Variants in PPP3CC observed in about 807,000 individuals in gnomAD.
PPP3CC encodes the protein serine/threonine-protein phosphatase 2B catalytic subunit gamma isoform.
A neutral mutation model predicts 60.3 loss-of-function variants in PPP3CC; 35 were observed. That is an observed-to-expected ratio of 0.58 (90% confidence interval 0.44 to 0.77). The LOEUF is 0.77. PPP3CC is among the 30% of genes least tolerant of loss of function. PPP3CC has a pLI of 0.00. For missense variants in PPP3CC, 570 were observed against 628.9 expected (o/e 0.91, Z 1.00); for synonymous variants, 206 against 224.3 (o/e 0.92, Z 0.73).
At chr8:22,485,431 C>T (rs1420631758) in intron 3 of PPP3CC, among the ~76,000 whole-genome samples, 1 of 152,140 alleles carries the variant, frequency 6.6e-6, no homozygotes, top group African/African-American at 2.4e-5. Context: ...ATCCCTCAGC[C>T]AGATCAGACG....
chr8:22,517,446 T>G (rs938579413), intron 6 of PPP3CC, among the ~76,000 whole-genome samples: 1 of 152,188 alleles, frequency 6.6e-6, no homozygotes, highest in African/African-American at 2.4e-5. Flanking sequence ...ATTAATTCTT[T>G]TTTTTAATGA....
intron 10 of PPP3CC, among the ~76,000 whole-genome samples, chr8:22,529,816 AG>A (rs1839654933): frequency 6.6e-6 from 1 of 152,020 alleles, no homozygotes; most frequent in Non-Finnish European, 1.5e-5. Flanking sequence ...TTGGTGTGTG[AG>A]GGATCTTTTT....
At chr8:22,512,852 G>A (rs1390789275) in intron 5 of PPP3CC, among the ~76,000 whole-genome samples, 5 of 152,070 alleles carry the variant, frequency 3.3e-5, no homozygotes, top group South Asian at 4.1e-4. Context: ...CGAGGAGGGC[G>A]GATCACCTGA....
intron 3 of PPP3CC, among the ~76,000 whole-genome samples, chr8:22,496,385 T>G (rs933975514): frequency 1.3e-5 from 2 of 151,750 alleles, no homozygotes; most frequent in African/African-American, 4.8e-5. Context: ...CATTTTTCCA[T>G]GTTAATTTTA....
At chr8:22,447,916 A>G (rs1361653906) in intron 1 of PPP3CC, among the ~76,000 whole-genome samples, 3 of 152,192 alleles carry the variant, frequency 2.0e-5, no homozygotes, top group African/African-American at 7.2e-5. Flanking sequence ...TGGACAAGAT[A>G]ATGTATTTCT....
intron 3 of PPP3CC, among the ~76,000 whole-genome samples, chr8:22,479,572 C>T (rs919526949): frequency 4.0e-5 from 6 of 151,626 alleles, no homozygotes; most frequent in African/African-American, 1.2e-4. Context: ...GGTGAAACCT[C>T]GTCTGTACTA....
intron 8 of PPP3CC, 103 bp from the exon 9 acceptor site, chr8:22,527,289 A>G: frequency 7.6e-7 from 1 of 1,322,080 alleles, no homozygotes; most frequent in Admixed American, 2.2e-5. Context: ...TTACAAATGG[A>G]AAGTTCTCGA....
chr8:22,509,263 G>T (rs909730378), intron 4 of PPP3CC, among the ~76,000 whole-genome samples: 2 of 152,116 alleles, frequency 1.3e-5, no homozygotes, highest in Non-Finnish European at 2.9e-5. Flanking sequence ...CCAGGACCAG[G>T]CTCTGATCCT....
At chr8:22,512,418 T>A (rs920543932) in intron 5 of PPP3CC, among the ~76,000 whole-genome samples, 2 of 152,232 alleles carry the variant, frequency 1.3e-5, no homozygotes. Context: ...TTTCTCTTGG[T>A]TTTTATGCTT....
intron 4 of PPP3CC, 125 bp from the exon 5 acceptor site, chr8:22,510,961 A>G: frequency 9.7e-7 from 1 of 1,036,066 alleles, no homozygotes; most frequent in South Asian, 1.6e-5. Flanking sequence ...TTACAAAGAT[A>G]ATTGTGCTTT....
intron 4 of PPP3CC, among the ~76,000 whole-genome samples, chr8:22,505,709 A>G (rs1838895827): frequency 6.6e-6 from 1 of 152,216 alleles, no homozygotes; most frequent in Non-Finnish European, 1.5e-5. Flanking sequence ...AGCCGCTATA[A>G]GGAAATGAAG....
intron 5 of PPP3CC, among the ~76,000 whole-genome samples, chr8:22,512,932 C>G (rs1029062925): frequency 6.6e-6 from 1 of 151,974 alleles, no homozygotes; most frequent in East Asian, 1.9e-4. Flanking sequence ...CAAAATTAGC[C>G]GGGTGTGGTG....
intron 3 of PPP3CC, among the ~76,000 whole-genome samples, chr8:22,495,094 C>T (rs1051238617): frequency 7.9e-5 from 12 of 152,078 alleles, no homozygotes; most frequent in Non-Finnish European, 1.3e-4. Flanking sequence ...ACTACAGGCA[C>T]GTGACCACCA....
At chr8:22,506,331 T>C (rs1262831471) in intron 4 of PPP3CC, among the ~76,000 whole-genome samples, 2 of 152,094 alleles carry the variant, frequency 1.3e-5, no homozygotes, top group Non-Finnish European at 2.9e-5. Flanking sequence ...GTTTTTCAAG[T>C]GCCTTTAACT....
chr8:22,475,575 G>A lies in PPP3CC; in HGVS notation c.323G>A (p.Arg108His), dbSNP rs1265047172. The change falls in exon 3 of 14, where the codon CGC becomes CAC. Residue 108 changes from arginine to histidine, a missense_variant. By Grantham distance (29) the Arg-to-His change is conservative (BLOSUM62 0). Coordinates refer to ENST00000240139, the MANE Select transcript of PPP3CC (RefSeq NM_005605.5). ...GTTGGAGGATCACCTAGTAACACAC[G>A]CTACCTCTTTCTGGGTGACTATGTG... is the stretch of plus-strand genomic sequence containing the variant. ...FEVGGSPSNT[R>H]YLFLGDYVDR... 1.2e-5 allele frequency: 19 copies of A among 1,612,872 alleles called. 1 individual carries two copies. The highest frequency in any genetic ancestry group is 1.4e-5 in the Non-Finnish European group (17 of 1,179,178).
chr8:22,476,966 CA>C (rs1261927026), intron 3 of PPP3CC, among the ~76,000 whole-genome samples: 4 of 151,624 alleles, frequency 2.6e-5, no homozygotes, highest in Non-Finnish European at 5.9e-5. Flanking sequence ...TGTTAGTTGC[CA>C]GTGCACAAAA....
chr8:22,458,110 C>CA lies in PPP3CC; in HGVS notation c.49+16660dup, dbSNP rs201832368. 3.5e-4 allele frequency among the ~76,000 whole-genome samples: 53 copies of CA among 151,348 alleles called. No individual in the cohort carries two copies. The South Asian group carries it at 4.6e-3, about 13-fold the overall frequency. On this transcript the variant is annotated intron_variant, in intron 1 of 13. Coordinates refer to ENST00000240139, the MANE Select transcript of PPP3CC (RefSeq NM_005605.5). ...CCGTCGCACCAAAAAACAAAAAAAA[C>CA]AAAAAAAACACACAAAAACAACTTG...
rs1463102037 is a variant in PPP3CC at position 22,482,835 on chromosome 8, A to G, written c.372+7211A>G. Among the ~76,000 whole-genome samples, 3 of 152,202 alleles carry G rather than the reference A, an allele frequency of 2.0e-5. No homozygotes were observed. The East Asian group carries it at 5.8e-4, about 29-fold the overall frequency. On this transcript the variant is annotated intron_variant, in intron 3 of 13. Coordinates refer to ENST00000240139, the MANE Select transcript of PPP3CC (RefSeq NM_005605.5). ...TTCAGCTACGTCAAGAAAAGCCAAGATACAGTAGAGGAAAACATAGCTTTT... is the reference window on the plus strand; with the variant it reads ...TTCAGCTACGTCAAGAAAAGCCAAGGTACAGTAGAGGAAAACATAGCTTTT...
Position 22,475,224 on chromosome 8 carries a change from AT to A in PPP3CC, c.247+74del, listed in dbSNP as rs1275416490. Reference sequence around the variant, plus strand: ...GAGCAGTTTTGAGAAATAATTACAAATAACCAGCTAAAAAGTGGTGTGGTAA... The same window carrying A: ...GAGCAGTTTTGAGAAATAATTACAAAAACCAGCTAAAAAGTGGTGTGGTAA... On this transcript the variant is annotated intron_variant, in intron 2 of 13. Transcript: ENST00000240139. The A allele has an allele frequency of 4.3e-6, 6 of 1,382,954 alleles. No individual in the cohort carries two copies. The East Asian group carries it at 1.4e-4, about 33-fold the overall frequency. 85.7% of individuals were successfully genotyped at this position (1,382,954 alleles called of 1,614,324 possible).
Sources: gnomAD v4.1 joint callset for allele counts (sites outside exome capture counted in the v4.1 genomes callset) on GRCh38, gnomAD v4.1.1 for gene constraint, MANE v1.5 for transcripts, NCBI Gene and HGNC (gene_info 2026-07-23, HGNC 2026-07-21) for gene names.